CTNNA2: variants seen among roughly 807,000 people sequenced by gnomAD.
CTNNA2 encodes catenin alpha-2.
In CTNNA2, 42 loss-of-function variants were observed where a neutral mutation model predicts 101.0. That is an observed-to-expected ratio of 0.42 (90% confidence interval 0.32 to 0.54). CTNNA2 has a LOEUF of 0.54. Among genes scored for constraint, CTNNA2 ranks in the 20% least tolerant of loss-of-function variants. The pLI, the probability that CTNNA2 is intolerant of heterozygous loss-of-function variation, is 0.14. For synonymous variants in CTNNA2, 450 were observed against 456.4 expected (o/e 0.99, Z 0.18); for missense variants, 871 against 1,223.1 (o/e 0.71, Z 4.29).
chr2:80,328,158 G>A (rs757974570), intron 7 of CTNNA2: 6 of 403,672 alleles, frequency 1.5e-5, no homozygotes, highest in Middle Eastern at 3.7e-4. Context: ...CTGTCTCCTC[G>A]CTCACCCACA....
At chr2:79,577,579 T>G (rs1364246579) in intron 1 of CTNNA2, among the ~76,000 whole-genome samples, 1 of 152,122 alleles carries the variant, frequency 6.6e-6, no homozygotes, top group Non-Finnish European at 1.5e-5. Context: ...TTGGGAGAAT[T>G]ACCCCTATCC....
intron 7 of CTNNA2, among the ~76,000 whole-genome samples, chr2:79,941,612 G>T (rs1688168393): frequency 6.6e-6 from 1 of 152,190 alleles, no homozygotes; most frequent in Non-Finnish European, 1.5e-5. Context: ...AACAAAGACA[G>T]AAAACTTATT....
chr2:80,585,525 G>C (rs1695904363), intron 14 of CTNNA2, among the ~76,000 whole-genome samples: 1 of 152,116 alleles, frequency 6.6e-6, no homozygotes, highest in Non-Finnish European at 1.5e-5. Context: ...AATCTGATAT[G>C]TTCCCTTTCC....
chr2:79,619,810 C>T (rs1678876957), intron 1 of CTNNA2, among the ~76,000 whole-genome samples: 1 of 152,162 alleles, frequency 6.6e-6, no homozygotes, highest in Non-Finnish European at 1.5e-5. Context: ...CAATATTACA[C>T]TTAAATCCAG....
At chr2:80,118,897 G>A (rs916463583) in intron 7 of CTNNA2, among the ~76,000 whole-genome samples, 19 of 152,296 alleles carry the variant, frequency 1.2e-4, no homozygotes, top group Admixed American at 9.2e-4. Flanking sequence ...CCTTTACTCC[G>A]ATTCTTCACC....
chr2:80,423,276 A>AAAT (rs1343326643), intron 9 of CTNNA2, among the ~76,000 whole-genome samples: 2 of 152,016 alleles, frequency 1.3e-5, no homozygotes, highest in African/African-American at 4.8e-5. Context: ...TCATGTCATT[A>AAAT]ATTTCTTGCC....
chr2:80,490,288 C>CCCCG (rs201732088), intron 9 of CTNNA2, among the ~76,000 whole-genome samples: 29 of 97,896 alleles, frequency 3.0e-4, no homozygotes, highest in Admixed American at 7.2e-4. Context: ...CCACCCCCCC[C>CCCCG]CCGGTAAAGC....
chr2:80,372,008 A>G (rs910679887), intron 7 of CTNNA2, among the ~76,000 whole-genome samples: 2 of 152,200 alleles, frequency 1.3e-5, no homozygotes, highest in Admixed American at 1.3e-4. Flanking sequence ...AGGTGGTCAT[A>G]AAACTTGTCG....
intron 1 of CTNNA2, among the ~76,000 whole-genome samples, chr2:79,623,636 A>G (rs1000497000): frequency 6.6e-6 from 1 of 152,196 alleles, no homozygotes; most frequent in South Asian, 2.1e-4. Context: ...AAAATTATTC[A>G]AATTGTTAGA....
chr2:80,098,818 T>C (rs889275761), intron 7 of CTNNA2, among the ~76,000 whole-genome samples: 2 of 152,208 alleles, frequency 1.3e-5, no homozygotes, highest in Non-Finnish European at 2.9e-5. Context: ...GTGCGGGTTA[T>C]AACCTCCTGG....
At position 79,481,138 on chromosome 2, in the gene CTNNA2, A is replaced by G. The variant is rs567636624; in HGVS notation, c.-134-23916A>G. The stretch of plus-strand genomic sequence containing the variant: ...AAACCTAAATATGAATAAAGTGAAT[A>G]TTAAAGAGCAATTTTACCAGCCCTG... On this transcript the variant is annotated intron_variant, in intron 4 of 21. Coordinates refer to the CTNNA2 transcript ENST00000466387. Among the ~76,000 whole-genome samples the G allele has an allele frequency of 1.0e-3, 158 of 152,300 alleles. 1 individual carries two copies. Among genetic ancestry groups the G allele is most frequent in the Non-Finnish European group, 1.5e-3 (100 of 68,022 alleles).
At chr2:79,814,231 A>T (rs1407988053) in intron 3 of CTNNA2, among the ~76,000 whole-genome samples, 1 of 151,958 alleles carries the variant, frequency 6.6e-6, no homozygotes, top group African/African-American at 2.4e-5. Flanking sequence ...AGAATTTTTC[A>T]AAAATATTTT....
intron 1 of CTNNA2, among the ~76,000 whole-genome samples, chr2:79,587,399 C>G (rs1386016768): frequency 6.6e-6 from 1 of 152,062 alleles, no homozygotes; most frequent in Non-Finnish European, 1.5e-5. Flanking sequence ...GAGGCAGATT[C>G]ATGCCCAGCC....
upstream of CTNNA2, among the ~76,000 whole-genome samples, chr2:79,511,007 A>G (rs1297211195): frequency 6.6e-6 from 1 of 152,236 alleles, no homozygotes; most frequent in Non-Finnish European, 1.5e-5. Context: ...CTTGGAACTT[A>G]AAGAGATAAA....
intron 3 of CTNNA2, among the ~76,000 whole-genome samples, chr2:79,328,764 A>G (rs1381476046): frequency 6.6e-6 from 1 of 152,168 alleles, no homozygotes; most frequent in Non-Finnish European, 1.5e-5. Flanking sequence ...ACAAATTACC[A>G]CAAATTGGAT....
At position 80,446,622 on chromosome 2, in the gene CTNNA2, T is replaced by G. The variant is rs924331230; in HGVS notation, c.1290+27021T>G. On this transcript the variant is annotated intron_variant, in intron 9 of 18. Coordinates refer to ENST00000402739, the MANE Select transcript of CTNNA2 (RefSeq NM_001282597.3). The stretch of plus-strand genomic sequence containing the variant: ...TTGTGTTCTGGAAAAAAAAATCATG[T>G]AAGGCTTTTTTAAAAAGGGAGGAAG... 2.0e-5 allele frequency among the ~76,000 whole-genome samples: 3 copies of G among 152,142 alleles called. No individual in the cohort carries two copies. In the East Asian group the frequency reaches 5.8e-4, roughly 29 times the overall value.
At chr2:79,997,145 G>T (rs568856405) in intron 7 of CTNNA2, among the ~76,000 whole-genome samples, 1 of 152,200 alleles carries the variant, frequency 6.6e-6, no homozygotes, top group South Asian at 2.1e-4. Flanking sequence ...CCTTTTGGGT[G>T]CATCTCTGCT....
intron 7 of CTNNA2, among the ~76,000 whole-genome samples, chr2:80,286,769 G>A (rs1031849202): frequency 3.3e-5 from 5 of 152,100 alleles, no homozygotes; most frequent in African/African-American, 4.8e-5. Context: ...CTGTATCATT[G>A]GAAGACTTTG....
chr2:80,466,907 C>A (rs1479248591), intron 9 of CTNNA2, among the ~76,000 whole-genome samples: 1 of 152,162 alleles, frequency 6.6e-6, no homozygotes, highest in Non-Finnish European at 1.5e-5. Context: ...CAGTAAATAT[C>A]TTTCAAGTAA....
Sources: gnomAD v4.1 joint callset for allele counts (sites outside exome capture counted in the v4.1 genomes callset) on GRCh38, gnomAD v4.1.1 for gene constraint, MANE v1.5 for transcripts, NCBI Gene and HGNC (gene_info 2026-07-23, HGNC 2026-07-21) for gene names.